Variants in SLC6A3 observed in about 807,000 individuals in gnomAD.
SLC6A3 encodes sodium-dependent dopamine transporter.
A neutral mutation model predicts 70.4 loss-of-function variants in SLC6A3; 19 were observed. The observed-to-expected ratio is 0.27, with a 90% CI of 0.19 to 0.40. The LOEUF (loss-of-function observed/expected upper bound fraction) is 0.40, where lower values mean the gene tolerates loss of function less well. SLC6A3 is among the 10% of genes least tolerant of loss of function. The pLI is 1.00. For missense variants in SLC6A3, 613 were observed against 838.5 expected (o/e 0.73, Z 3.32); for synonymous variants, 368 against 356.6 (o/e 1.03, Z -0.36).
chr5:1,424,078 C>G (rs908640703), intron 4 of SLC6A3, among the ~76,000 whole-genome samples: 12 of 152,254 alleles, frequency 7.9e-5, no homozygotes, highest in African/African-American at 2.4e-4. Context: ...CCTGAAAGCG[C>G]TGGACAGTGC....
chr5:1,400,614 G>A (rs865938499), intron 14 of SLC6A3, among the ~76,000 whole-genome samples: 9 of 152,160 alleles, frequency 5.9e-5, no homozygotes, highest in Admixed American at 1.3e-4. Context: ...GGCTCAGCTG[G>A]CCCCACAGGG....
At chr5:1,409,929 A>G in intron 9 of SLC6A3, 80 bp from the exon 10 acceptor site, 1 of 1,573,054 alleles carries the variant, frequency 6.4e-7, no homozygotes, top group East Asian at 2.2e-5. Context: ...CTTGTCACCC[A>G]GTGGACGCAC....
At chr5:1,430,367 C>T (rs138127332) in intron 4 of SLC6A3, among the ~76,000 whole-genome samples, 62 of 152,368 alleles carry the variant, frequency 4.1e-4, no homozygotes, top group African/African-American at 1.3e-3. Flanking sequence ...GGTGGCCCCC[C>T]AAAACCTGCC....
chr5:1,420,284 C>A (rs1312668221), intron 6 of SLC6A3, among the ~76,000 whole-genome samples: 2 of 152,252 alleles, frequency 1.3e-5, no homozygotes, highest in South Asian at 4.1e-4. Context: ...CCCCATGGCC[C>A]AGCTGAGTCT....
chr5:1,431,541 T>G (rs1579722103), intron 4 of SLC6A3, among the ~76,000 whole-genome samples: 1 of 50,836 alleles, frequency 2.0e-5, no homozygotes. Context: ...GTAGACAGTG[T>G]GGGTTGGGTC....
intron 3 of SLC6A3, among the ~76,000 whole-genome samples, chr5:1,435,629 T>C (rs537988714): frequency 5.5e-4 from 84 of 152,380 alleles, no homozygotes; most frequent in African/African-American, 1.8e-3. Flanking sequence ...CATGGGACAG[T>C]GCAGCCCCCA....
chr5:1,422,590 A>C (rs1756471259), intron 4 of SLC6A3, among the ~76,000 whole-genome samples: 2 of 129,274 alleles, frequency 1.5e-5, no homozygotes, highest in Non-Finnish European at 3.3e-5. Context: ...CTGGGTACCC[A>C]CCGCTGCCCA....
rs527435334 is a variant in SLC6A3 at position 1,406,954 on chromosome 5, C to T, written c.1499-666G>A. ...AGTGTCCCTGAGGCCACCTAAGCTG[C>T]GGCCCACATCAGCATTCCCTTTTGT... On this transcript the variant is annotated intron_variant, in intron 11 of 14. Coordinates refer to ENST00000270349, the MANE Select transcript of SLC6A3 (RefSeq NM_001044.5). The surrounding 1 kb of genome is among the most constrained non-coding windows in gnomAD (Gnocchi z 8.8). Among the ~76,000 whole-genome samples the T allele has an allele frequency of 2.0e-5, 3 of 152,340 alleles. No individual in the cohort carries two copies. Among genetic ancestry groups the T allele is most frequent in the South Asian group, 2.1e-4 (1 of 4,830 alleles).
At position 1,396,446 on chromosome 5, in the gene SLC6A3, G is replaced by A. The variant is rs1447169416; in HGVS notation, c.1840-1688C>T. Reference sequence around the variant, plus strand: ...CTGCCACCCTGCTCGCTGCCTCGAGGGAGTTTCTAGATTGCAGCACAGGGA... The same window carrying A: ...CTGCCACCCTGCTCGCTGCCTCGAGAGAGTTTCTAGATTGCAGCACAGGGA... On this transcript the variant is annotated intron_variant, in intron 14 of 14. Coordinates refer to ENST00000270349, the MANE Select transcript of SLC6A3 (RefSeq NM_001044.5). The surrounding 1 kb of genome is among the most constrained non-coding windows in gnomAD (Gnocchi z 7.0). Among the ~76,000 whole-genome samples the A allele has an allele frequency of 2.0e-5, 3 of 152,216 alleles. No individual in the cohort carries two copies. The highest frequency in any genetic ancestry group is 4.4e-5 in the Non-Finnish European group (3 of 68,038).
rs1755954393 is a variant in SLC6A3, at chr5:1,405,573, T to C, written c.1599+615A>G. On this transcript the variant is annotated intron_variant, in intron 12 of 14. Transcript: ENST00000270349. The surrounding 1 kb of genome is among the most constrained non-coding windows in gnomAD (Gnocchi z 5.3). ...TTTGCTTTGTGAGCCTCCAGGCCTC[T>C]GTGGTTCAGTGGGGGAAGCACTGCA... Among the ~76,000 whole-genome samples, 1 of 152,230 alleles carries C rather than the reference T, an allele frequency of 6.6e-6. No individual in the cohort carries two copies. Among genetic ancestry groups the C allele is most frequent in the African/African-American group, 2.4e-5 (1 of 41,456 alleles).
In SLC6A3 at chr5:1,402,842, G is replaced by A; in HGVS notation, c.1767+80C>T. 2 of 1,413,948 alleles carry A rather than the reference G, an allele frequency of 1.4e-6. No individual in the cohort carries two copies. The highest frequency in any genetic ancestry group is 1.8e-5 in the Admixed American group (1 of 54,140). 87.6% of individuals were successfully genotyped at this position (1,413,948 alleles called of 1,614,324 possible). A position where few individuals can be genotyped will look rare whatever the true frequency, so the allele number is the denominator to read the frequency against. ...TTGGTCACAGATGACCCAGGCAGGTGAGGACTGGGGCCATGGACACCCACG... is the reference window on the plus strand; with the variant it reads ...TTGGTCACAGATGACCCAGGCAGGTAAGGACTGGGGCCATGGACACCCACG... On this transcript the variant is annotated intron_variant, in intron 13 of 14. Transcript: ENST00000270349. This position sits in a 1 kb window ranked among gnomAD's most constrained non-coding sequence, Gnocchi z 8.5.
At chr5:1,441,537 ATC>A in intron 2 of SLC6A3, 47 bp from the exon 3 acceptor site, 1 of 1,604,576 alleles carries the variant, frequency 6.2e-7, no homozygotes, top group Non-Finnish European at 8.5e-7. Context: ...GGAAGGGCCC[ATC>A]TCTCCTCGTG....
At chr5:1,420,056 C>T (rs1362743129) in intron 6 of SLC6A3, among the ~76,000 whole-genome samples, 2 of 152,202 alleles carry the variant, frequency 1.3e-5, no homozygotes, top group Non-Finnish European at 2.9e-5. Context: ...GGCCCTTCCC[C>T]TCTTGCTGCA....
At position 1,405,186 on chromosome 5, in the gene SLC6A3, T is replaced by G. The variant is rs1755942717; in HGVS notation, c.1599+1002A>C. Reference sequence around the variant, plus strand: ...GCAGCCACACCACGCGGCCTGGAGCTCAGACACGGTGGAATTTCTACAAGA... The same window carrying G: ...GCAGCCACACCACGCGGCCTGGAGCGCAGACACGGTGGAATTTCTACAAGA... On this transcript the variant is annotated intron_variant, in intron 12 of 14. Transcript: ENST00000270349. The surrounding 1 kb of genome is among the most constrained non-coding windows in gnomAD (Gnocchi z 5.3). 6.6e-6 allele frequency among the ~76,000 whole-genome samples: 1 copy of G among 152,202 alleles called. No individual in the cohort carries two copies. The highest frequency in any genetic ancestry group is 1.5e-5 in the Non-Finnish European group (1 of 68,036).
chr5:1,412,388 A>T (rs924962342), intron 8 of SLC6A3, among the ~76,000 whole-genome samples: 1 of 152,196 alleles, frequency 6.6e-6, no homozygotes. Context: ...GGCTTCGGAG[A>T]TAAGAGACAA....
In SLC6A3 at chr5:1,401,185, C is replaced by T. The variant is rs527935703; in HGVS notation, c.1768-199G>A. On this transcript the variant is annotated intron_variant, in intron 13 of 14. Coordinates refer to ENST00000270349, the MANE Select transcript of SLC6A3 (RefSeq NM_001044.5). This position sits in a 1 kb window ranked among gnomAD's most constrained non-coding sequence, Gnocchi z 6.1. ...ACTGCCAGTGCCCATGCCGACCAGA[C>T]AGCCAGTCAGGCCCGAAGCCAACAT... 3 of 700,606 alleles carry T rather than the reference C, an allele frequency of 4.3e-6. No homozygotes were observed. Among genetic ancestry groups the T allele is most frequent in the Non-Finnish European group, 7.8e-6 (3 of 383,904 alleles). 43.4% of individuals were successfully genotyped at this position (700,606 alleles called of 1,614,324 possible). A position where few individuals can be genotyped will look rare whatever the true frequency, so the allele number is the denominator to read the frequency against.
chr5:1,411,135 G>T lies in SLC6A3; in HGVS notation c.1269+108C>A. ...CCAAGTCAAGGACAGGAGGTCTGGG[G>T]GCCGTACGTGAGCCCAGGGATCTTG... On this transcript the variant is annotated intron_variant, in intron 9 of 14. Transcript: ENST00000270349. The surrounding 1 kb of genome is among the most constrained non-coding windows in gnomAD (Gnocchi z 6.5). 1 of 770,704 alleles carries T rather than the reference G, an allele frequency of 1.3e-6. No individual in the cohort carries two copies. Among genetic ancestry groups the T allele is most frequent in the Non-Finnish European group, 2.3e-6 (1 of 444,384 alleles). 47.7% of individuals were successfully genotyped at this position (770,704 alleles called of 1,614,324 possible).
chr5:1,422,170 C>T (rs1756451974), intron 4 of SLC6A3, among the ~76,000 whole-genome samples, 156 bp from the exon 5 acceptor site: 1 of 152,226 alleles, frequency 6.6e-6, no homozygotes, highest in African/African-American at 2.4e-5. Flanking sequence ...AGGTCTGGCC[C>T]ACAGGCCCTG....
At chr5:1,425,009 C>T (rs1756546483) in intron 4 of SLC6A3, among the ~76,000 whole-genome samples, 1 of 152,218 alleles carries the variant, frequency 6.6e-6, no homozygotes, top group African/African-American at 2.4e-5. Flanking sequence ...CAAAGGACAT[C>T]CGGGAAGGGG....
Sources: allele counts gnomAD v4.1 joint callset (sites outside exome capture counted in the v4.1 genomes callset), GRCh38; gene constraint gnomAD v4.1.1; non-coding constraint Gnocchi (gnomAD v3.1); transcripts MANE v1.5; gene names NCBI Gene and HGNC (gene_info 2026-07-23, HGNC 2026-07-21).